The following LRRC7 variants were observed in gnomAD, a reference collection of about 807,000 sequenced individuals.
LRRC7 encodes the protein leucine rich repeat containing 7.
In LRRC7, 23 loss-of-function variants were observed where a neutral mutation model predicts 175.7. That is an observed-to-expected ratio of 0.13 (90% CI 0.09 to 0.19). The LOEUF (loss-of-function observed/expected upper bound fraction) is 0.19, where lower values mean the gene tolerates loss of function less well. Among genes scored for constraint, LRRC7 ranks in the 10% least tolerant of loss-of-function variants. The pLI is 1.00. For synonymous variants in LRRC7, 685 were observed against 680.9 expected, an observed-to-expected ratio of 1.01 and a Z score of -0.09; for missense variants, 1,354 against 1,904.7, an observed-to-expected ratio of 0.71 and a Z score of 5.38.
In LRRC7 at chr1:70,039,373, A is replaced by G; in HGVS notation, c.3549A>G (p.Arg1183=). The G allele has an allele frequency of 6.2e-7, 1 of 1,613,990 alleles. No individual in the cohort carries two copies. Among genetic ancestry groups the G allele is most frequent in the Non-Finnish European group, 8.5e-7 (1 of 1,179,990 alleles). The change falls in exon 21 of 27, where the codon AGA becomes AGG. Residue 1183 remains arginine (R), a synonymous_variant. Transcript: ENST00000651989. The part of the protein sequence containing the change: ...HELPPTDRYG[R]PPYRGGLDRQ... ...TGCCCCCAACTGATAGGTACGGCAGACCCCCATATAGGGGAGGGCTGGATC... is the reference window on the plus strand; with the variant it reads ...TGCCCCCAACTGATAGGTACGGCAGGCCCCCATATAGGGGAGGGCTGGATC...
At chr1:69,617,060 A>G (rs1474869564) in intron 1 of LRRC7, among the ~76,000 whole-genome samples, 1 of 152,080 alleles carries the variant, frequency 6.6e-6, no homozygotes, top group Admixed American at 6.6e-5. Flanking sequence ...GTAATCCTAC[A>G]TCTATATATC....
At chr1:69,784,604 C>A (rs972092269) in intron 3 of LRRC7, among the ~76,000 whole-genome samples, 6 of 152,042 alleles carry the variant, frequency 3.9e-5, no homozygotes, top group African/African-American at 1.2e-4. Flanking sequence ...CCTTCTACAT[C>A]CTTTGGGTTT....
intron 1 of LRRC7, among the ~76,000 whole-genome samples, chr1:69,623,944 G>A (rs1384709128): frequency 6.6e-6 from 1 of 152,032 alleles, no homozygotes; most frequent in African/African-American, 2.4e-5. Context: ...TGTAATGATT[G>A]ATGAACACTG....
chr1:69,852,790 A>T (rs1557811146), intron 7 of LRRC7, among the ~76,000 whole-genome samples: 1 of 152,172 alleles, frequency 6.6e-6, no homozygotes, highest in Non-Finnish European at 1.5e-5. Context: ...TTGTTACAGT[A>T]CATTTTAGAT....
intron 7 of LRRC7, among the ~76,000 whole-genome samples, chr1:69,848,654 C>T (rs1682634983): frequency 6.6e-6 from 1 of 152,002 alleles, no homozygotes; most frequent in Non-Finnish European, 1.5e-5. Flanking sequence ...CAGGTCTCCT[C>T]TCTCCTCTCT....
At chr1:69,783,753 CAAAAAAAAAAA>C (rs10712087) in intron 3 of LRRC7, among the ~76,000 whole-genome samples, 2,244 of 84,812 alleles carry the variant, frequency 0.026, 67 homozygotes, top group African/African-American at 0.091. Context: ...CTCCCCATCT[CAAAAAAAAAAA>C]AAAAAAAAAA....
intron 1 of LRRC7, among the ~76,000 whole-genome samples, chr1:69,649,756 A>G (rs1354576957): frequency 6.6e-6 from 1 of 152,128 alleles, no homozygotes; most frequent in Non-Finnish European, 1.5e-5. Context: ...TCTTTTACGC[A>G]GTTCACAAAC....
In LRRC7 at chr1:69,644,658, G is replaced by C. The variant is rs186596862; in HGVS notation, c.3-33723G>C. 1.1e-3 allele frequency among the ~76,000 whole-genome samples: 170 copies of C among 151,978 alleles called. 1 individual carries two copies. Among genetic ancestry groups the C allele is most frequent in the Non-Finnish European group, 1.3e-3 (91 of 67,892 alleles). ...AAGCACACACGTTCAAAAAATACTG[G>C]AAGAGTAAACACTTCCCAATTAACC... On this transcript the variant is annotated intron_variant, in intron 1 of 26. Transcript: ENST00000651989.
chr1:69,801,553 G>C (rs1676493892), intron 4 of LRRC7, among the ~76,000 whole-genome samples: 1 of 151,784 alleles, frequency 6.6e-6, no homozygotes, highest in South Asian at 2.1e-4. Context: ...CGTGGCATCA[G>C]TTATCATGTC....
At chr1:69,998,292 T>C (rs1655199730) in intron 11 of LRRC7, among the ~76,000 whole-genome samples, 1 of 152,086 alleles carries the variant, frequency 6.6e-6, no homozygotes, top group African/African-American at 2.4e-5. Context: ...TCCCCATCAC[T>C]CCCTCATCAC....
At chr1:69,845,831 A>G (rs1682296141) in intron 7 of LRRC7, among the ~76,000 whole-genome samples, 1 of 152,052 alleles carries the variant, frequency 6.6e-6, no homozygotes, top group Admixed American at 6.6e-5. Flanking sequence ...CTGTTTTGTA[A>G]CTGTAATACA....
chr1:69,727,028 G>C (rs927158499), intron 2 of LRRC7, among the ~76,000 whole-genome samples: 8 of 152,170 alleles, frequency 5.3e-5, no homozygotes, highest in Non-Finnish European at 1.2e-4. Context: ...CTACAGTGAG[G>C]TTGCAACACA....
At chr1:69,651,379 A>G (rs1245415403) in intron 1 of LRRC7, among the ~76,000 whole-genome samples, 1 of 152,194 alleles carries the variant, frequency 6.6e-6, no homozygotes, top group African/African-American at 2.4e-5. Context: ...TTTGGGACAT[A>G]ATGGACCTTT....
At chr1:69,916,217 T>TATATATTATATATTATATACATATTTTA (rs1165784176) in intron 7 of LRRC7, among the ~76,000 whole-genome samples, 1 of 88,446 alleles carries the variant, frequency 1.1e-5, no homozygotes, top group Non-Finnish European at 2.2e-5. Context: ...TAAAATTTTA[T>TATATATTATATATTATATACATATTTTA]TATGTATAAT....
intron 11 of LRRC7, among the ~76,000 whole-genome samples, chr1:69,999,799 A>AT (rs901434048): frequency 9.2e-5 from 14 of 151,878 alleles, no homozygotes; most frequent in East Asian, 1.9e-4. Context: ...TCTTCCAGAA[A>AT]TTTTTTTTTG....
At chr1:70,105,258 A>T (rs556629910) in intron 25 of LRRC7, among the ~76,000 whole-genome samples, 1 of 152,188 alleles carries the variant, frequency 6.6e-6, no homozygotes, top group South Asian at 2.1e-4. Flanking sequence ...TTTTCTTTTG[A>T]ATTGACCATT....
At chr1:69,789,507 T>A (rs2101053420) in intron 3 of LRRC7, among the ~76,000 whole-genome samples, 2 of 152,198 alleles carry the variant, frequency 1.3e-5, no homozygotes, top group Middle Eastern at 6.8e-3. Context: ...AAAGAGCTGT[T>A]AAAATGCCTT....
chr1:69,998,390 G>T (rs1055986197), intron 11 of LRRC7, among the ~76,000 whole-genome samples: 1 of 152,106 alleles, frequency 6.6e-6, no homozygotes, highest in African/African-American at 2.4e-5. Context: ...CAGATGTTCA[G>T]ACTTTGAAGA....
Position 69,898,662 on chromosome 1 carries a change from A to ACTGCTGCTGCTGCTGCTG in LRRC7, c.648-32833_648-32816dup, listed in dbSNP as rs35234345. On this transcript the variant is annotated intron_variant, in intron 7 of 26. Coordinates refer to ENST00000651989, the MANE Select transcript of LRRC7 (RefSeq NM_001370785.2). ...GCTTGCAGTTTCTGTTGCTATCATC[A>ACTGCTGCTGCTGCTGCTG]CTGCTGCTGCTGCTGCTGCTGCTGC... Among the ~76,000 whole-genome samples, 609 of 150,872 alleles carry ACTGCTGCTGCTGCTGCTG rather than the reference A, an allele frequency of 4.0e-3. 2 individuals carry two copies. Among genetic ancestry groups the ACTGCTGCTGCTGCTGCTG allele is most frequent in the African/African-American group, 0.014 (576 of 41,110 alleles).
Sources: allele counts gnomAD v4.1 joint callset (sites outside exome capture counted in the v4.1 genomes callset), GRCh38; gene constraint gnomAD v4.1.1; transcripts MANE v1.5; gene names NCBI Gene and HGNC (gene_info 2026-07-23, HGNC 2026-07-21).